The following MYO9B variants were observed in gnomAD, a reference collection of about 807,000 sequenced individuals.
MYO9B encodes unconventional myosin-IXb.
Under a neutral mutation model 229.5 loss-of-function variants are expected in MYO9B, and 71 were observed. The ratio of observed to expected loss-of-function variants is 0.31; its 90% CI spans 0.26 to 0.38. The LOEUF is 0.38. MYO9B is among the 10% of genes least tolerant of loss of function. The pLI, the probability that MYO9B is intolerant of heterozygous loss-of-function variation, is 1.00. For synonymous variants in MYO9B, 1,185 were observed against 1,235.8 expected (o/e 0.96, Z 0.86); for missense variants, 2,255 against 2,920.5 (o/e 0.77, Z 5.25).
chr19:17,134,952 C>T (rs896669654), intron 2 of MYO9B, among the ~76,000 whole-genome samples: 4 of 150,974 alleles, frequency 2.6e-5, no homozygotes, highest in South Asian at 2.1e-4. Flanking sequence ...TTAGTAGAGA[C>T]GGGGTTTCGC....
At chr19:17,107,956 G>T (rs1272615601) in intron 2 of MYO9B, among the ~76,000 whole-genome samples, 1 of 152,202 alleles carries the variant, frequency 6.6e-6, no homozygotes, top group African/African-American at 2.4e-5. Context: ...GCCCCACCTG[G>T]TCTGCTTCAA....
chr19:17,125,888 C>T (rs2058012392), intron 2 of MYO9B, among the ~76,000 whole-genome samples: 1 of 152,186 alleles, frequency 6.6e-6, no homozygotes, highest in South Asian at 2.1e-4. Context: ...ATAGGGGAGC[C>T]ATGAGGTTGG....
chr19:17,185,753 G>A (rs971088561), intron 17 of MYO9B, among the ~76,000 whole-genome samples, 168 bp from the exon 18 acceptor site: 8 of 152,060 alleles, frequency 5.3e-5, no homozygotes, highest in Non-Finnish European at 1.2e-4. Context: ...CGCAGGCTTG[G>A]GTCAGAACGT....
intron 2 of MYO9B, among the ~76,000 whole-genome samples, chr19:17,137,775 G>A (rs374129024): frequency 8.6e-5 from 13 of 151,804 alleles, no homozygotes; most frequent in Non-Finnish European, 1.2e-4. Flanking sequence ...ACAGAGTCTC[G>A]CTCTGTCGCC....
chr19:17,170,563 A>G (rs971492692), intron 11 of MYO9B, among the ~76,000 whole-genome samples: 19 of 147,732 alleles, frequency 1.3e-4, no homozygotes, highest in African/African-American at 4.8e-4. Flanking sequence ...TGTAATTCCA[A>G]CACTTTGGGA....
rs552802627 is a variant in MYO9B at position 17,093,270 on chromosome 19, G to A, written c.-58-8390G>A. ...ATGGCTTGAACCTGGAGGCAGAGGT[G>A]CAGTGAGCCAAGATCGTGCCACTGC... is the stretch of plus-strand genomic sequence containing the variant. On this transcript the variant is annotated intron_variant, in intron 1 of 39. Transcript: ENST00000682292. Among the ~76,000 whole-genome samples the A allele has an allele frequency of 2.6e-4, 40 of 152,118 alleles. No homozygotes were observed. The South Asian group carries it at 8.1e-3, about 31-fold the overall frequency.
chr19:17,085,663 A>T (rs1441255224), intron 1 of MYO9B, among the ~76,000 whole-genome samples: 8 of 51,660 alleles, frequency 1.5e-4, no homozygotes, highest in African/African-American at 5.4e-4. Context: ...GTCTTTAATA[A>T]AAAAAAAAAA....
At position 17,093,858 on chromosome 19, in the gene MYO9B, AATTT is replaced by A. The variant is rs202021707; in HGVS notation, c.-58-7768_-58-7765del. 5.9e-3 allele frequency among the ~76,000 whole-genome samples: 854 copies of A among 145,650 alleles called. 10 individuals are homozygous for A. Among genetic ancestry groups the A allele is most frequent in the African/African-American group, 0.018 (692 of 39,104 alleles). ...AAGGTGTGTGCCACTATGCCCAGCTAATTTATTTATTTATTTATTTATTTATTTA... is the reference window on the plus strand; with the variant it reads ...AAGGTGTGTGCCACTATGCCCAGCTAATTTATTTATTTATTTATTTATTTA... On this transcript the variant is annotated intron_variant, in intron 1 of 39. Coordinates refer to ENST00000682292, the MANE Select transcript of MYO9B (RefSeq NM_004145.4).
chr19:17,188,837 A>G (rs10418692), intron 19 of MYO9B, among the ~76,000 whole-genome samples: 80,523 of 151,490 alleles, frequency 0.53, 23,174 homozygotes, highest in East Asian at 0.73. Flanking sequence ...ACATAGTGAG[A>G]CCCCATCTCT....
intron 2 of MYO9B, among the ~76,000 whole-genome samples, chr19:17,142,493 C>T (rs934826999): frequency 6.6e-6 from 1 of 152,004 alleles, no homozygotes; most frequent in African/African-American, 2.4e-5. Flanking sequence ...GCTCTGTGAA[C>T]CCACTTATCT....
Position 17,200,249 on chromosome 19 carries a change from T to C in MYO9B, c.4239-44T>C, listed in dbSNP as rs754653466. The C allele has an allele frequency of 3.8e-6, 6 of 1,586,508 alleles. No individual in the cohort carries two copies. In the African/African-American group the frequency reaches 4.1e-5, roughly 11 times the overall value. ...ACAGGGAGGCTGGGCCTCACGTCCATTTTCATTTCAGACTTAAAAGAAGCC... is the reference window on the plus strand; with the variant it reads ...ACAGGGAGGCTGGGCCTCACGTCCACTTTCATTTCAGACTTAAAAGAAGCC... On this transcript the variant is annotated intron_variant, in intron 24 of 39. Transcript: ENST00000682292.
intron 1 of MYO9B, among the ~76,000 whole-genome samples, chr19:17,082,164 A>T (rs372632527): frequency 1.3e-5 from 2 of 152,254 alleles, no homozygotes; most frequent in South Asian, 2.1e-4. Context: ...CCTTGGGGAG[A>T]CTGAGGAGAA....
intron 1 of MYO9B, among the ~76,000 whole-genome samples, chr19:17,091,462 T>A (rs994831796): frequency 1.9e-4 from 29 of 152,216 alleles, no homozygotes; most frequent in Admixed American, 1.8e-3. Flanking sequence ...ATCCCAGCAC[T>A]TTGGGAGGCC....
chr19:17,155,927 C>T (rs1459832995), intron 6 of MYO9B, among the ~76,000 whole-genome samples: 4 of 150,946 alleles, frequency 2.6e-5, no homozygotes, highest in African/African-American at 4.9e-5. Flanking sequence ...GGCTGAGGCA[C>T]GAGAATCACT....
chr19:17,101,877 A>G lies in MYO9B; in HGVS notation c.160A>G (p.Ser54Gly). ...GGACGTCATCAAGGACGCCATTGCCAGCCTGCGGCTGGACGGCACCAAATG... is the reference window on the plus strand; with the variant it reads ...GGACGTCATCAAGGACGCCATTGCCGGCCTGCGGCTGGACGGCACCAAATG... ...TSDVIKDAIASLRLDGTKCYV... is the reference protein window; with the variant it reads ...TSDVIKDAIAGLRLDGTKCYV... Residue 54 changes from serine to glycine, a missense_variant, in exon 2 of 40, where the codon AGC becomes GGC. Ser to Gly is a moderately conservative substitution (Grantham distance 56). This residue lies in a region of MYO9B where 386 missense variants were observed against 515.2 expected (regional missense o/e 0.75). Coordinates refer to ENST00000682292, the MANE Select transcript of MYO9B (RefSeq NM_004145.4). The surrounding 1 kb of genome is among the most constrained non-coding windows in gnomAD (Gnocchi z 4.7). 1 of 1,613,402 alleles carries G rather than the reference A, an allele frequency of 6.2e-7. No homozygotes were observed. The highest frequency in any genetic ancestry group is 8.5e-7 in the Non-Finnish European group (1 of 1,179,810).
chr19:17,182,903 G>A (rs1433200436), intron 15 of MYO9B, among the ~76,000 whole-genome samples: 1 of 151,906 alleles, frequency 6.6e-6, no homozygotes, highest in Non-Finnish European at 1.5e-5. Flanking sequence ...TCCTTACCTC[G>A]GCCAAAAGAG....
chr19:17,173,292 CTTTTTT>C (rs748043333), intron 13 of MYO9B, among the ~76,000 whole-genome samples: 1 of 83,824 alleles, frequency 1.2e-5, no homozygotes, highest in East Asian at 3.3e-4. Context: ...CTGTCTTGCT[CTTTTTT>C]TTTTTTTTTT....
At chr19:17,196,147 T>G (rs1340763818) in intron 22 of MYO9B, among the ~76,000 whole-genome samples, 24 of 10,742 alleles carry the variant, frequency 2.2e-3, no homozygotes, top group East Asian at 5.4e-3. Context: ...GATGTGTGGG[T>G]GGGTGGGTGG....
intron 2 of MYO9B, among the ~76,000 whole-genome samples, chr19:17,103,010 A>G (rs566169509): frequency 5.6e-4 from 85 of 151,644 alleles, no homozygotes; most frequent in African/African-American, 1.9e-3. Context: ...TGAGCCCAGG[A>G]ATTCAACATC....
Sources: allele counts gnomAD v4.1 joint callset (sites outside exome capture counted in the v4.1 genomes callset), GRCh38; gene constraint gnomAD v4.1.1; regional missense constraint gnomAD v4.1.1; non-coding constraint Gnocchi (gnomAD v3.1); transcripts MANE v1.5; gene names NCBI Gene and HGNC (gene_info 2026-07-23, HGNC 2026-07-21).